The following SLC39A10 variants were observed in gnomAD, a reference collection of about 807,000 sequenced individuals.
The protein encoded by SLC39A10 is solute carrier family 39 member 10, also known as zinc transporter ZIP10.
Under a neutral mutation model 65.1 loss-of-function variants are expected in SLC39A10, and 13 were observed. The observed-to-expected ratio is 0.20, with a 90% confidence interval of 0.13 to 0.32. The LOEUF (loss-of-function observed/expected upper bound fraction) is 0.32. Ranked by LOEUF, SLC39A10 falls within the 10% of genes least tolerant of loss-of-function variation. The pLI is 1.00. For missense variants in SLC39A10, 831 were observed against 1,018.4 expected, an observed-to-expected ratio of 0.82 and a Z score of 2.50; for synonymous variants, 321 against 342.2, an observed-to-expected ratio of 0.94 and a Z score of 0.68.
At chr2:195,625,218 A>AGAAAG (rs1688442873) in intron 2 of SLC39A10, among the ~76,000 whole-genome samples, 1 of 109,626 alleles carries the variant, frequency 9.1e-6, no homozygotes, top group African/African-American at 3.8e-5. Context: ...CTCTGTCTCA[A>AGAAAG]AAAAAAAGAA....
At chr2:195,697,020 T>A (rs529311885) in intron 3 of SLC39A10, among the ~76,000 whole-genome samples, 437 of 152,236 alleles carry the variant, frequency 2.9e-3, no homozygotes, top group Non-Finnish European at 5.0e-3. Context: ...TGAATCATGA[T>A]AAAGGTCTTC....
Position 195,718,267 on chromosome 2 carries a change from C to T in SLC39A10, c.2081C>T (p.Ala694Val), listed in dbSNP as rs753559521. 1 of 1,607,296 alleles carries T rather than the reference C, an allele frequency of 6.2e-7. No individual in the cohort carries two copies. The highest frequency in any genetic ancestry group is 8.5e-7 in the Non-Finnish European group (1 of 1,175,280). ...TCTTCCTCAGGTGCAGCTTTCAGTGCTGGATTGACAGGAGGAATCAGTACT... is the reference window on the plus strand; with the variant it reads ...TCTTCCTCAGGTGCAGCTTTCAGTGTTGGATTGACAGGAGGAATCAGTACT... ...DGLAIGAAFSAGLTGGISTSI... is the reference protein window; with the variant it reads ...DGLAIGAAFSVGLTGGISTSI... The change falls in exon 8 of 10, where the codon GCT becomes GTT. Residue 694 changes from alanine to valine, a missense_variant. Coordinates refer to ENST00000359634, the MANE Select transcript of SLC39A10 (RefSeq NM_020342.3).
intron 8 of SLC39A10, among the ~76,000 whole-genome samples, chr2:195,726,225 G>A (rs759913198): frequency 2.0e-5 from 3 of 152,168 alleles, no homozygotes; most frequent in Non-Finnish European, 4.4e-5. Context: ...CCATGACACC[G>A]TTGTTCATTG....
chr2:195,660,051 AG>A (rs1424777725), intron 1 of SLC39A10, among the ~76,000 whole-genome samples: 1 of 151,844 alleles, frequency 6.6e-6, no homozygotes, highest in African/African-American at 2.4e-5. Context: ...AAATTTCGTG[AG>A]GGGGTACATA....
chr2:195,640,953 G>A (rs1156712202), intron 2 of SLC39A10, among the ~76,000 whole-genome samples: 1 of 152,188 alleles, frequency 6.6e-6, no homozygotes, highest in Non-Finnish European at 1.5e-5. Context: ...GTTGGGTCCA[G>A]GGAAGCCATT....
At chr2:195,689,666 CTT>C (rs1332536432) in intron 3 of SLC39A10, among the ~76,000 whole-genome samples, 15 of 152,218 alleles carry the variant, frequency 9.9e-5, no homozygotes, top group Admixed American at 3.9e-4. Context: ...CTCTGTAACT[CTT>C]TTCATCTTGT....
Position 195,735,555 on chromosome 2 carries a change from G to C in SLC39A10, c.*514G>C, listed in dbSNP as rs1692564501. The C allele has an allele frequency of 6.6e-6, 1 of 152,656 alleles. No homozygotes were observed. The highest frequency in any genetic ancestry group is 6.5e-5 in the Admixed American group (1 of 15,288). 9.5% of individuals were successfully genotyped at this position (152,656 alleles called of 1,614,324 possible). On this transcript the variant is annotated 3_prime_UTR_variant, in exon 10 of 10. Coordinates refer to ENST00000359634, the MANE Select transcript of SLC39A10 (RefSeq NM_020342.3). Reference sequence around the variant, plus strand: ...CTGCATAAAGTAGACATAGGAACTAGAGGAAAGCTCAGGCTGCATTAGAGT... The same window carrying C: ...CTGCATAAAGTAGACATAGGAACTACAGGAAAGCTCAGGCTGCATTAGAGT...
In SLC39A10 at chr2:195,685,053, G is replaced by A. The variant is rs1022137932; in HGVS notation, c.1216+1147G>A. On this transcript the variant is annotated intron_variant, in intron 3 of 9. Transcript: ENST00000359634. ...TAATAAGTGGTAGTACTGGGATTTAGTCCTGTAACCATTTTGCTATCTTAT... is the reference window on the plus strand; with the variant it reads ...TAATAAGTGGTAGTACTGGGATTTAATCCTGTAACCATTTTGCTATCTTAT... Among the ~76,000 whole-genome samples, 3 of 151,978 alleles carry A rather than the reference G, an allele frequency of 2.0e-5. No individual in the cohort carries two copies. In the East Asian group the frequency reaches 5.8e-4, roughly 29 times the overall value.
chr2:195,716,206 T>C (rs1046439215), intron 6 of SLC39A10, among the ~76,000 whole-genome samples: 3 of 152,228 alleles, frequency 2.0e-5, no homozygotes, highest in Non-Finnish European at 2.9e-5. Flanking sequence ...AATAAAGTTC[T>C]CAGTAGGCTG....
intron 2 of SLC39A10, among the ~76,000 whole-genome samples, chr2:195,641,605 C>CAT (rs1559012233): frequency 6.6e-6 from 1 of 151,834 alleles, no homozygotes; most frequent in African/African-American, 2.4e-5. Context: ...ACTTATATCA[C>CAT]ATGTCAATTT....
At position 195,735,121 on chromosome 2, in the gene SLC39A10, C is replaced by A; in HGVS notation, c.*80C>A. The A allele has an allele frequency of 7.1e-7, 1 of 1,415,180 alleles. No individual in the cohort carries two copies. The allele number at this position is 1,415,180 out of a possible 1,614,324, so 87.7% of individuals were successfully genotyped here. A position where few individuals can be genotyped will look rare whatever the true frequency, so the allele number is the denominator to read the frequency against. On this transcript the variant is annotated 3_prime_UTR_variant, in exon 10 of 10. Transcript: ENST00000359634. ...TGTTCCTTGTACTGTATGCACATTG[C>A]TCAAAGGAAAGTCAGTGGCTTGCAC...
At chr2:195,621,862 C>T (rs992154285) in intron 2 of SLC39A10, among the ~76,000 whole-genome samples, 5 of 152,106 alleles carry the variant, frequency 3.3e-5, no homozygotes, top group African/African-American at 9.7e-5. Context: ...ATAGGTGCTT[C>T]ATGAAAATTT....
chr2:195,663,165 T>C (rs1210951980), intron 1 of SLC39A10, among the ~76,000 whole-genome samples: 1 of 152,140 alleles, frequency 6.6e-6, no homozygotes, highest in Non-Finnish European at 1.5e-5. Context: ...GAGCAGGAAA[T>C]GGATCATATT....
At chr2:195,627,963 A>T (rs1688507950) in intron 2 of SLC39A10, among the ~76,000 whole-genome samples, 2 of 152,260 alleles carry the variant, frequency 1.3e-5, no homozygotes, top group Admixed American at 1.3e-4. Context: ...GACCTCTGGT[A>T]TAAGGAACAT....
intron 1 of SLC39A10, among the ~76,000 whole-genome samples, chr2:195,660,950 T>C (rs914647372): frequency 1.3e-5 from 2 of 152,210 alleles, no homozygotes; most frequent in Non-Finnish European, 2.9e-5. Context: ...GAATTTATTT[T>C]CTATGACTTT....
chr2:195,633,471 G>T (rs1254426885), intron 2 of SLC39A10, among the ~76,000 whole-genome samples: 1 of 152,224 alleles, frequency 6.6e-6, no homozygotes, highest in East Asian at 1.9e-4. Flanking sequence ...CTGCAGACAG[G>T]CTCAGTGGGC....
chr2:195,682,058 C>G (rs905937539), intron 2 of SLC39A10, among the ~76,000 whole-genome samples: 3 of 152,068 alleles, frequency 2.0e-5, no homozygotes, highest in African/African-American at 7.2e-5. Flanking sequence ...TCCTGTTTTC[C>G]TTTAAAATTT....
intron 9 of SLC39A10, among the ~76,000 whole-genome samples, chr2:195,732,903 C>T (rs994896223): frequency 6.6e-6 from 1 of 152,092 alleles, no homozygotes; most frequent in Admixed American, 6.5e-5. Context: ...GGTTTGCCAA[C>T]CCTTAGACCA....
At chr2:195,638,955 T>TA (rs1211835736) in intron 2 of SLC39A10, among the ~76,000 whole-genome samples, 1 of 151,498 alleles carries the variant, frequency 6.6e-6, no homozygotes, top group Non-Finnish European at 1.5e-5. Flanking sequence ...CTTGGCAGTT[T>TA]TTTTTTTTGT....
Sources: gnomAD v4.1 joint callset for allele counts (sites outside exome capture counted in the v4.1 genomes callset) on GRCh38, gnomAD v4.1.1 for gene constraint, MANE v1.5 for transcripts, NCBI Gene and HGNC (gene_info 2026-07-23, HGNC 2026-07-21) for gene names.